Variants in OSBPL5 observed in about 807,000 individuals in gnomAD.
OSBPL5 encodes the protein oxysterol binding protein like 5.
OSBPL5 carries 71 observed loss-of-function variants against 111.2 expected under a neutral mutation model. That is an observed-to-expected ratio of 0.64 (90% CI 0.53 to 0.78). OSBPL5 has a LOEUF of 0.78. Ranked by LOEUF, OSBPL5 falls within the 30% of genes least tolerant of loss-of-function variation. OSBPL5 has a pLI of 0.00. For synonymous variants in OSBPL5, 549 were observed against 513.9 expected (o/e 1.07, Z -0.93); for missense variants, 1,210 against 1,189.3 (o/e 1.02, Z -0.26).
intron 7 of OSBPL5, among the ~76,000 whole-genome samples, chr11:3,112,029 G>GTATGTGTGCGCGCATGTGTGTGCA (rs1857979933): frequency 9.2e-6 from 1 of 108,982 alleles, no homozygotes; most frequent in Non-Finnish European, 1.9e-5. Flanking sequence ...GTGTGCATGT[G>GTATGTGTGCGCGCATGTGTGTGCA]TGTGTATGTG....
At chr11:3,101,895 C>T (rs766970695) in intron 12 of OSBPL5, among the ~76,000 whole-genome samples, 196 bp from the exon 13 acceptor site, 15 of 152,200 alleles carry the variant, frequency 9.9e-5, no homozygotes, top group South Asian at 2.1e-4. Flanking sequence ...GTGGGGCTTG[C>T]GGGCCCTGAG....
intron 14 of OSBPL5, among the ~76,000 whole-genome samples, chr11:3,096,258 C>T (rs997891199): frequency 8.5e-5 from 13 of 152,162 alleles, no homozygotes; most frequent in Admixed American, 4.6e-4. Context: ...AGATTGTAGA[C>T]TCGATGACAA....
chr11:3,104,117 AG>A lies in OSBPL5; in HGVS notation c.1244+75del. The A allele has an allele frequency of 1.4e-6, 2 of 1,456,838 alleles. No homozygotes were observed. Among genetic ancestry groups the A allele is most frequent in the Non-Finnish European group, 9.3e-7 (1 of 1,074,290 alleles). 90.2% of individuals were successfully genotyped at this position (1,456,838 alleles called of 1,614,324 possible). On this transcript the variant is annotated intron_variant, in intron 10 of 21. Transcript: ENST00000263650. This position sits in a 1 kb window ranked among gnomAD's most constrained non-coding sequence, Gnocchi z 5.0. ...CTCTGGAAGCCCCCACAGGGCAGGTAGGGGCTGGGGGTGCTGCAGGGTCTCA... is the reference window on the plus strand; with the variant it reads ...CTCTGGAAGCCCCCACAGGGCAGGTAGGGCTGGGGGTGCTGCAGGGTCTCA...
chr11:3,150,060 G>A (rs1019349169), intron 1 of OSBPL5, among the ~76,000 whole-genome samples: 7 of 152,064 alleles, frequency 4.6e-5, no homozygotes, highest in African/African-American at 2.4e-5. Flanking sequence ...AGACACACAC[G>A]TACACACACA....
At chr11:3,131,927 G>GTCCATCCATCCA (rs532838844) in intron 1 of OSBPL5, among the ~76,000 whole-genome samples, 1 of 23,452 alleles carries the variant, frequency 4.3e-5, no homozygotes, top group Non-Finnish European at 6.9e-5. Flanking sequence ...CCATCCTCCT[G>GTCCATCCATCCA]TCCATCCATC....
chr11:3,091,867 C>T (rs1293074049), intron 19 of OSBPL5, among the ~76,000 whole-genome samples: 1 of 152,172 alleles, frequency 6.6e-6, no homozygotes, highest in Non-Finnish European at 1.5e-5. Context: ...GCACCGGCCG[C>T]GCTCTGCACC....
chr11:3,121,944 G>T lies in OSBPL5; in HGVS notation c.402+53C>A. ...ACCTGGTTTATGGTCCTTTGTTATG[G>T]CAGCAGCACGCTGACCCGTGTCCTG... is the stretch of plus-strand genomic sequence containing the variant. On this transcript the variant is annotated intron_variant, in intron 5 of 21. Transcript: ENST00000263650. This position sits in a 1 kb window ranked among gnomAD's most constrained non-coding sequence, Gnocchi z 4.3. 1 of 1,468,694 alleles carries T rather than the reference G, an allele frequency of 6.8e-7. No homozygotes were observed. Among genetic ancestry groups the T allele is most frequent in the Non-Finnish European group, 9.2e-7 (1 of 1,084,758 alleles). The allele number at this position is 1,468,694 out of a possible 1,614,324, so 91.0% of individuals were successfully genotyped here.
intron 7 of OSBPL5, among the ~76,000 whole-genome samples, chr11:3,112,002 TGTGTGTGCGC>T (rs1243918920): frequency 4.2e-5 from 5 of 119,720 alleles, no homozygotes; most frequent in African/African-American, 7.0e-5. Context: ...TGCATGTGTG[TGTGTGTGCGC>T]GCATGTGTGT....
rs1346701664 is a variant in OSBPL5 at position 3,109,066 on chromosome 11, T to C, written c.692-1121A>G. Among the ~76,000 whole-genome samples, 1 of 147,842 alleles carries C rather than the reference T, an allele frequency of 6.8e-6. No individual in the cohort carries two copies. Among genetic ancestry groups the C allele is most frequent in the African/African-American group, 2.5e-5 (1 of 39,796 alleles). Reference sequence around the variant, plus strand: ...TACAGGTGTGAGCCACCACACCGGGTCAATAAGTGTGTTTTTTGTTTTTGT... The same window carrying C: ...TACAGGTGTGAGCCACCACACCGGGCCAATAAGTGTGTTTTTTGTTTTTGT... On this transcript the variant is annotated intron_variant, in intron 7 of 21. Coordinates refer to ENST00000263650, the MANE Select transcript of OSBPL5 (RefSeq NM_020896.4). This position sits in a 1 kb window ranked among gnomAD's most constrained non-coding sequence, Gnocchi z 7.4.
chr11:3,093,684 G>A (rs775131392), intron 16 of OSBPL5, 21 bp from the exon 17 acceptor site: 2 of 1,613,044 alleles, frequency 1.2e-6, no homozygotes, highest in African/African-American at 2.7e-5. Context: ...TGGCCAGCGG[G>A]GTCAGAGGCT....
At chr11:3,132,870 C>A (rs553051557) in intron 1 of OSBPL5, among the ~76,000 whole-genome samples, 1 of 152,206 alleles carries the variant, frequency 6.6e-6, no homozygotes, top group East Asian at 1.9e-4. Flanking sequence ...TCCCAGCAGC[C>A]AAGGCAGGGA....
At chr11:3,112,103 G>GTGTGTGCATGTGTGTGTGCATA (rs1858012174) in intron 7 of OSBPL5, among the ~76,000 whole-genome samples, 1 of 110,146 alleles carries the variant, frequency 9.1e-6, no homozygotes, top group African/African-American at 3.0e-5. Context: ...GTGTGCATAT[G>GTGTGTGCATGTGTGTGTGCATA]TGTGTGTGCA....
chr11:3,155,410 G>A (rs1192404697), intron 1 of OSBPL5, among the ~76,000 whole-genome samples: 2 of 152,108 alleles, frequency 1.3e-5, no homozygotes, highest in African/African-American at 4.8e-5. Flanking sequence ...ACCGAGGGGG[G>A]ATGGGTGCCC....
chr11:3,090,414 G>T, intron 20 of OSBPL5, 144 bp downstream of exon 20: 1 of 1,131,610 alleles, frequency 8.8e-7, no homozygotes, highest in Non-Finnish European at 1.2e-6. Context: ...CCTGCTGGGG[G>T]GCCCCTCAGG....
intron 1 of OSBPL5, among the ~76,000 whole-genome samples, chr11:3,132,913 C>A (rs1845851183): frequency 6.6e-6 from 1 of 152,204 alleles, no homozygotes; most frequent in Non-Finnish European, 1.5e-5. Context: ...TGTTTGGATT[C>A]ACACAGGCTG....
intron 7 of OSBPL5, among the ~76,000 whole-genome samples, chr11:3,115,104 T>G (rs1442418784): frequency 2.6e-5 from 4 of 152,220 alleles, no homozygotes; most frequent in South Asian, 2.1e-4. Flanking sequence ...TTCTGTTTTT[T>G]TGTGTGTGTG....
At chr11:3,131,694 TCATCTATC>T (rs1845791724) in intron 1 of OSBPL5, among the ~76,000 whole-genome samples, 2 of 34,452 alleles carry the variant, frequency 5.8e-5, no homozygotes, top group Non-Finnish European at 1.1e-4. Flanking sequence ...ACCCACCCAT[TCATCTATC>T]CATCCATCCA....
chr11:3,147,084 CT>C (rs1484397603), intron 1 of OSBPL5, among the ~76,000 whole-genome samples: 8 of 142,916 alleles, frequency 5.6e-5, no homozygotes, highest in African/African-American at 2.0e-4. Flanking sequence ...CTGGGCTTCA[CT>C]TTTCCCCAAG....
At position 3,162,266 on chromosome 11, in the gene OSBPL5, G is replaced by C. The variant is rs1441862211; in HGVS notation, c.-22+2950C>G. Among the ~76,000 whole-genome samples the C allele has an allele frequency of 6.6e-6, 1 of 152,166 alleles. No homozygotes were observed. The highest frequency in any genetic ancestry group is 1.5e-5 in the Non-Finnish European group (1 of 68,016). The stretch of plus-strand genomic sequence containing the variant: ...GGGGAGTGGAGGCCAGCCCTGGAGG[G>C]AGTAGCCGGATGTGAGGTGGGCTGG... On this transcript the variant is annotated intron_variant, in intron 1 of 21. Coordinates refer to ENST00000263650, the MANE Select transcript of OSBPL5 (RefSeq NM_020896.4). This position sits in a 1 kb window ranked among gnomAD's most constrained non-coding sequence, Gnocchi z 8.1.
Sources: gnomAD v4.1 joint callset for allele counts (sites outside exome capture counted in the v4.1 genomes callset) on GRCh38, gnomAD v4.1.1 for gene constraint, Gnocchi (gnomAD v3.1) non-coding constraint, MANE v1.5 for transcripts, NCBI Gene and HGNC (gene_info 2026-07-23, HGNC 2026-07-21) for gene names.